Variants in GTF2I observed in about 807,000 individuals in gnomAD.
GTF2I encodes the protein general transcription factor II-I.
A neutral mutation model predicts 67.6 loss-of-function variants in GTF2I; 12 were observed. The ratio of observed to expected loss-of-function variants is 0.18; its 90% confidence interval spans 0.11 to 0.29. The LOEUF (loss-of-function observed/expected upper bound fraction) is 0.29, where lower values mean the gene tolerates loss of function less well. GTF2I is among the 10% of genes least tolerant of loss of function. The pLI is 1.00. For synonymous variants in GTF2I, 149 were observed against 197.0 expected (o/e 0.76, Z 2.04); for missense variants, 271 against 580.1 (o/e 0.47, Z 5.47).
intron 1 of GTF2I, among the ~76,000 whole-genome samples, chr7:74,673,155 G>C (rs587635508): frequency 6.6e-6 from 1 of 152,042 alleles, no homozygotes; most frequent in Non-Finnish European, 1.5e-5. Flanking sequence ...CCACTGCCCC[G>C]AGCTGAGTTT....
intron 14 of GTF2I, among the ~76,000 whole-genome samples, chr7:74,731,683 T>A (rs1794495843): frequency 6.6e-6 from 1 of 150,962 alleles, no homozygotes; most frequent in Non-Finnish European, 1.5e-5. Context: ...TAGTTAAGAT[T>A]ACAGGTGCCC....
chr7:74,669,682 C>T (rs890773621), intron 1 of GTF2I, among the ~76,000 whole-genome samples: 58 of 151,782 alleles, frequency 3.8e-4, no homozygotes, highest in African/African-American at 1.3e-3. Context: ...TACAGGTGCA[C>T]GCCACCATGC....
Position 74,689,189 on chromosome 7 carries a change from A to G in GTF2I, c.61A>G (p.Met21Val), listed in dbSNP as rs782238246. 6.2e-7 allele frequency: 1 copy of G among 1,612,526 alleles called. No homozygotes were observed. Among genetic ancestry groups the G allele is most frequent in the Non-Finnish European group, 8.5e-7 (1 of 1,178,780 alleles). Residue 21 changes from methionine (M) to valine (V), a missense_variant, in exon 2 of 35, where the codon ATG becomes GTG. This residue lies in a region of GTF2I where 10 missense variants were observed against 44.0 expected (regional missense o/e 0.23). Coordinates refer to ENST00000573035, the MANE Select transcript of GTF2I (RefSeq NM_032999.4). ...VEDEESSESR[M>V]VVTFLMSALE... ...AGATGAGGAGTCCTCGGAGAGCAGG[A>G]TGGTGGTGACATTCCTCATGTCAGC...
intron 1 of GTF2I, among the ~76,000 whole-genome samples, chr7:74,676,313 A>G (rs868911614): frequency 6.6e-6 from 1 of 152,166 alleles, no homozygotes; most frequent in Non-Finnish European, 1.5e-5. Context: ...CATTAAAACA[A>G]AAATTAAAAA....
At chr7:74,670,892 G>A (rs1805391973) in intron 1 of GTF2I, among the ~76,000 whole-genome samples, 1 of 151,842 alleles carries the variant, frequency 6.6e-6, no homozygotes, top group South Asian at 2.1e-4. Context: ...TAAAAATCTG[G>A]ACTATCAATT....
intron 1 of GTF2I, among the ~76,000 whole-genome samples, chr7:74,674,953 A>G (rs587736697): frequency 2.0e-4 from 31 of 152,022 alleles, no homozygotes; most frequent in African/African-American, 6.8e-4. Flanking sequence ...TCCTGGTTCA[A>G]GCGATTCTCC....
chr7:74,706,247 T>C, intron 7 of GTF2I, 143 bp from the exon 8 acceptor site: 1 of 664,506 alleles, frequency 1.5e-6, no homozygotes, highest in Non-Finnish European at 2.7e-6. Flanking sequence ...AATAAATAAA[T>C]ATGTCAGTTT....
Sources: allele counts gnomAD v4.1 joint callset (sites outside exome capture counted in the v4.1 genomes callset), GRCh38; gene constraint gnomAD v4.1.1; regional missense constraint gnomAD v4.1.1; transcripts MANE v1.5; gene names NCBI Gene and HGNC (gene_info 2026-07-23, HGNC 2026-07-21).